Variants in CENPP observed in about 807,000 individuals in gnomAD.
CENPP encodes centromere protein P.
A neutral mutation model predicts 35.6 loss-of-function variants in CENPP; 24 were observed. The observed-to-expected ratio is 0.67, with a 90% confidence interval of 0.49 to 0.95. The LOEUF is 0.95. CENPP is among the 40% of genes least tolerant of loss of function. The probability of loss-of-function intolerance (pLI) is 0.00; values close to 1 mark genes in which losing one functional copy is unlikely to be tolerated. For synonymous variants in CENPP, 120 were observed against 125.5 expected (o/e 0.96, Z 0.29); for missense variants, 332 against 345.3 (o/e 0.96, Z 0.31).
At chr9:92,363,315 C>T (rs1036250630) in intron 4 of CENPP, among the ~76,000 whole-genome samples, 11 of 152,010 alleles carry the variant, frequency 7.2e-5, no homozygotes, top group Non-Finnish European at 2.9e-5. Context: ...AGTCATGTGC[C>T]GCATAACTAC....
At chr9:92,547,982 G>A (rs1849508219) in intron 5 of CENPP, among the ~76,000 whole-genome samples, 1 of 152,082 alleles carries the variant, frequency 6.6e-6, no homozygotes, top group Non-Finnish European at 1.5e-5. Context: ...GTAAAGGAAG[G>A]AAAAACTGTT....
At chr9:92,333,676 C>T (rs964242249) in intron 2 of CENPP, among the ~76,000 whole-genome samples, 6 of 152,054 alleles carry the variant, frequency 3.9e-5, no homozygotes, top group African/African-American at 1.4e-4. Flanking sequence ...GTAATGGTAC[C>T]GGAAGAGAAA....
At chr9:92,431,400 A>G (rs1175996754) in intron 5 of CENPP, among the ~76,000 whole-genome samples, 1 of 152,136 alleles carries the variant, frequency 6.6e-6, no homozygotes, top group African/African-American at 2.4e-5. Flanking sequence ...TTGATACTTG[A>G]TATTCTCTAA....
In CENPP at chr9:92,544,027, C is replaced by A. The variant is rs575820307; in HGVS notation, c.565-67287C>A. Among the ~76,000 whole-genome samples, 59 of 152,204 alleles carry A rather than the reference C, an allele frequency of 3.9e-4. No individual in the cohort carries two copies. The South Asian group carries it at 0.012, about 32-fold the overall frequency. ...TTTCCATTTTAGATATTTTTTATTTCTTTCTCTTATCTAATTGCTCTGGCT... is the reference window on the plus strand; with the variant it reads ...TTTCCATTTTAGATATTTTTTATTTATTTCTCTTATCTAATTGCTCTGGCT... On this transcript the variant is annotated intron_variant, in intron 5 of 7. Coordinates refer to ENST00000375587, the MANE Select transcript of CENPP (RefSeq NM_001012267.3).
chr9:92,585,602 G>A (rs1036540763), intron 5 of CENPP, among the ~76,000 whole-genome samples: 1 of 152,174 alleles, frequency 6.6e-6, no homozygotes. Context: ...AAATGGGAGA[G>A]TAGGGCTCTC....
intron 4 of CENPP, among the ~76,000 whole-genome samples, chr9:92,359,899 C>T (rs1163649931): frequency 6.6e-6 from 1 of 151,856 alleles, no homozygotes; most frequent in Admixed American, 6.6e-5. Flanking sequence ...TGGGTAGCTG[C>T]TGCTATACTA....
At chr9:92,603,558 C>T (rs1850986810) in intron 5 of CENPP, among the ~76,000 whole-genome samples, 1 of 152,188 alleles carries the variant, frequency 6.6e-6, no homozygotes, top group African/African-American at 2.4e-5. Flanking sequence ...GCTGCAGGAG[C>T]TGTTGCCCAC....
At chr9:92,377,259 A>G (rs753967527) in intron 4 of CENPP, among the ~76,000 whole-genome samples, 116 of 152,288 alleles carry the variant, frequency 7.6e-4, no homozygotes, top group South Asian at 1.9e-3. Context: ...AACCCTCACT[A>G]TCTACCTAAA....
At chr9:92,538,940 T>TG (rs938092169) in intron 5 of CENPP, 5 of 152,154 alleles carry the variant, frequency 3.3e-5, no homozygotes, top group Admixed American at 1.3e-4. Context: ...ACCAATAAAT[T>TG]GGGGTTTTTT....
chr9:92,568,272 T>C (rs1194888293), intron 5 of CENPP, among the ~76,000 whole-genome samples: 1 of 152,132 alleles, frequency 6.6e-6, no homozygotes, highest in African/African-American at 2.4e-5. Flanking sequence ...TGTGTGATGT[T>C]CCCCACTCTG....
At chr9:92,366,348 A>C (rs1362072502) in intron 4 of CENPP, among the ~76,000 whole-genome samples, 1 of 152,212 alleles carries the variant, frequency 6.6e-6, no homozygotes, top group Non-Finnish European at 1.5e-5. Context: ...TCTTTATAAC[A>C]TGAGATGATT....
chr9:92,404,463 A>G (rs1299601030), intron 5 of CENPP: 2 of 1,233,770 alleles, frequency 1.6e-6, no homozygotes, highest in African/African-American at 1.6e-5. Context: ...TTAACAAACA[A>G]TATTTAAAAT....
intron 5 of CENPP, among the ~76,000 whole-genome samples, chr9:92,429,127 A>G (rs750847365): frequency 3.9e-5 from 6 of 152,228 alleles, no homozygotes; most frequent in South Asian, 4.1e-4. Flanking sequence ...TGGGTGCTCA[A>G]TAAATATTGT....
chr9:92,615,467 A>G lies in CENPP; in HGVS notation c.*2318A>G, dbSNP rs1462369613. ...TGTGACAATTCAAGTTTTCTATGTT[A>G]GGAGTCTGGTGGTAGCAGATCCAAA... is the stretch of plus-strand genomic sequence containing the variant. On this transcript the variant is annotated 3_prime_UTR_variant, in exon 8 of 8. Coordinates refer to ENST00000375587, the MANE Select transcript of CENPP (RefSeq NM_001012267.3). 1 of 198,192 alleles carries G rather than the reference A, an allele frequency of 5.0e-6. No homozygotes were observed. The highest frequency in any genetic ancestry group is 1.5e-4 in the East Asian group (1 of 6,808). The allele number at this position is 198,192 out of a possible 1,614,324, so 12.3% of individuals were successfully genotyped here.
intron 5 of CENPP, among the ~76,000 whole-genome samples, chr9:92,492,543 T>C (rs1846201137): frequency 6.6e-6 from 1 of 152,192 alleles, no homozygotes; most frequent in African/African-American, 2.4e-5. Context: ...TCTAAGGAGA[T>C]GTACGTGGAG....
intron 5 of CENPP, among the ~76,000 whole-genome samples, chr9:92,451,283 A>C (rs1051402913): frequency 6.7e-6 from 1 of 149,678 alleles, no homozygotes; most frequent in African/African-American, 2.5e-5. Flanking sequence ...ATAAGGTGTA[A>C]GGAAGGGATC....
chr9:92,615,656 T>C lies in CENPP; in HGVS notation c.*2507T>C. On this transcript the variant is annotated 3_prime_UTR_variant, in exon 8 of 8. Coordinates refer to ENST00000375587, the MANE Select transcript of CENPP (RefSeq NM_001012267.3). ...CAGCACTCACTTCCTACATTCCTTGTCCAGGAAGTTGTTTCTAGTGCTCTT... is the reference window on the plus strand; with the variant it reads ...CAGCACTCACTTCCTACATTCCTTGCCCAGGAAGTTGTTTCTAGTGCTCTT... 1.7e-6 allele frequency: 1 copy of C among 583,794 alleles called. No homozygotes were observed. Among genetic ancestry groups the C allele is most frequent in the South Asian group, 2.0e-5 (1 of 50,008 alleles). 36.2% of individuals were successfully genotyped at this position (583,794 alleles called of 1,614,324 possible).
intron 5 of CENPP, among the ~76,000 whole-genome samples, chr9:92,458,552 T>C (rs1221444511): frequency 6.6e-6 from 1 of 152,202 alleles, no homozygotes; most frequent in African/African-American, 2.4e-5. Context: ...CTGCTGGACA[T>C]CAGTGTGTTT....
At chr9:92,507,757 G>A (rs1847094395) in intron 5 of CENPP, among the ~76,000 whole-genome samples, 1 of 152,172 alleles carries the variant, frequency 6.6e-6, no homozygotes, top group African/African-American at 2.4e-5. Flanking sequence ...GTTTTCCTCA[G>A]CTGTCCCTCC....
Sources: allele counts gnomAD v4.1 joint callset (sites outside exome capture counted in the v4.1 genomes callset), GRCh38; gene constraint gnomAD v4.1.1; transcripts MANE v1.5; gene names NCBI Gene and HGNC (gene_info 2026-07-23, HGNC 2026-07-21).